The following ABCB4 variants were observed in gnomAD, a reference collection of about 807,000 sequenced individuals.
ABCB4 encodes phosphatidylcholine translocator ABCB4.
A neutral mutation model predicts 145.7 loss-of-function variants in ABCB4; 76 were observed. The observed-to-expected ratio is 0.52, with a 90% CI of 0.43 to 0.63. ABCB4 has a LOEUF of 0.63. Ranked by LOEUF, ABCB4 falls within the 30% of genes least tolerant of loss-of-function variation. ABCB4 has a pLI of 0.00. For missense variants in ABCB4, 1,234 were observed against 1,553.1 expected (o/e 0.79, Z 3.45); for synonymous variants, 517 against 566.8 (o/e 0.91, Z 1.25).
chr7:87,443,731 C>G lies in ABCB4; in HGVS notation c.1162G>C (p.Asp388His). 6.2e-7 allele frequency: 1 copy of G among 1,613,952 alleles called. No homozygotes were observed. The highest frequency in any genetic ancestry group is 8.5e-7 in the Non-Finnish European group (1 of 1,179,910). ...AACTCCAAATTCCCTTTGATGCTGT[C>G]TGGTTTGTGTCCTCTCTCTGAAAAA... ...DSFSERGHKP[D>H]SIKGNLEFND... is the part of the protein sequence containing the mutation. Residue 388 changes from aspartate (D) to histidine (H), a missense_variant, in exon 11 of 28, where the codon GAC (aspartate) becomes CAC (histidine). Transcript: ENST00000649586.
the ABCB4 span, among the ~76,000 whole-genome samples, chr7:87,388,867 A>G: frequency 2.0e-5 from 3 of 152,316 alleles, no homozygotes; most frequent in South Asian, 6.2e-4. Context: ...AAATTTTTGC[A>G]ATCTAACCAC....
intron 8 of ABCB4, among the ~76,000 whole-genome samples, chr7:87,447,915 T>C (rs1811454181): frequency 6.6e-6 from 1 of 152,210 alleles, no homozygotes; most frequent in African/African-American, 2.4e-5. Flanking sequence ...TAGAAAGTAG[T>C]ACAGTAGCTG....
At chr7:87,450,669 A>G (rs1811658945) in intron 7 of ABCB4, among the ~76,000 whole-genome samples, 1 of 151,972 alleles carries the variant, frequency 6.6e-6, no homozygotes, top group Non-Finnish European at 1.5e-5. Context: ...ACAGGGTTTC[A>G]CTGTGTTAGC....
the ABCB4 span, among the ~76,000 whole-genome samples, chr7:87,384,181 G>A: frequency 6.6e-6 from 1 of 152,092 alleles, no homozygotes; most frequent in Non-Finnish European, 1.5e-5. Flanking sequence ...TAGTGATGTT[G>A]AGCATTTTTC....
At chr7:87,407,458 G>A (rs1808281072) in intron 25 of ABCB4, among the ~76,000 whole-genome samples, 1 of 152,190 alleles carries the variant, frequency 6.6e-6, no homozygotes, top group African/African-American at 2.4e-5. Flanking sequence ...GGCTCCCAGG[G>A]CTCTGTCATG....
chr7:87,446,248 T>C (rs2116742815), intron 9 of ABCB4, among the ~76,000 whole-genome samples: 1 of 152,316 alleles, frequency 6.6e-6, no homozygotes, highest in Non-Finnish European at 1.5e-5. Flanking sequence ...AGTATCCTCA[T>C]TTTAGCAAGA....
chr7:87,389,194 C>A, the ABCB4 span, among the ~76,000 whole-genome samples: 1 of 152,154 alleles, frequency 6.6e-6, no homozygotes, highest in Non-Finnish European at 1.5e-5. Context: ...ATTAGTTCAA[C>A]CATTGCAGAA....
chr7:87,466,831 T>C (rs1013709716), intron 3 of ABCB4, among the ~76,000 whole-genome samples: 2 of 151,604 alleles, frequency 1.3e-5, no homozygotes, highest in African/African-American at 2.4e-5. Flanking sequence ...ATAAAATACT[T>C]TACAGACAAG....
At chr7:87,450,861 G>A (rs1378577506) in intron 7 of ABCB4, among the ~76,000 whole-genome samples, 1 of 152,142 alleles carries the variant, frequency 6.6e-6, no homozygotes, top group East Asian at 1.9e-4. Flanking sequence ...AGAGATACAG[G>A]TAGTTCACTG....
chr7:87,471,074 T>C (rs1162020242), intron 3 of ABCB4, among the ~76,000 whole-genome samples: 1 of 152,118 alleles, frequency 6.6e-6, no homozygotes, highest in African/African-American at 2.4e-5. Flanking sequence ...TGTAGGGACA[T>C]GGATGAAGCT....
intron 4 of ABCB4, among the ~76,000 whole-genome samples, chr7:87,462,176 C>T (rs1812501964): frequency 6.6e-6 from 1 of 152,180 alleles, no homozygotes; most frequent in Admixed American, 6.5e-5. Flanking sequence ...ACTTATGGGA[C>T]ACTTGGCTCT....
chr7:87,455,959 C>A (rs563426171), intron 4 of ABCB4, among the ~76,000 whole-genome samples: 22 of 152,334 alleles, frequency 1.4e-4, no homozygotes, highest in African/African-American at 5.3e-4. Flanking sequence ...ATTATAATTT[C>A]TACTGATGTT....
At chr7:87,467,188 GA>G (rs951137646) in intron 3 of ABCB4, among the ~76,000 whole-genome samples, 1 of 152,102 alleles carries the variant, frequency 6.6e-6, no homozygotes, top group Non-Finnish European at 1.5e-5. Flanking sequence ...AGGCTCAAAA[GA>G]AAGGGATGGA....
chr7:87,463,849 C>G (rs981593971), intron 3 of ABCB4, among the ~76,000 whole-genome samples: 1 of 152,180 alleles, frequency 6.6e-6, no homozygotes, highest in Non-Finnish European at 1.5e-5. Context: ...TCTAACACTT[C>G]AAAGGACTTT....
chr7:87,405,569 G>A (rs1445690597), intron 26 of ABCB4, among the ~76,000 whole-genome samples: 1 of 151,938 alleles, frequency 6.6e-6, no homozygotes, highest in Non-Finnish European at 1.5e-5. Flanking sequence ...TGCAACTACA[G>A]GTGCCCACCA....
At chr7:87,445,086 C>T (rs1052658004) in intron 9 of ABCB4, 111 bp from the exon 10 acceptor site, 10 of 778,468 alleles carry the variant, frequency 1.3e-5, no homozygotes, top group Non-Finnish European at 1.9e-5. Flanking sequence ...TAGGTTTATC[C>T]TTTCCTTTTT....
chr7:87,445,281 C>T (rs1275460303), intron 9 of ABCB4, among the ~76,000 whole-genome samples: 1 of 152,108 alleles, frequency 6.6e-6, no homozygotes, highest in Non-Finnish European at 1.5e-5. Flanking sequence ...TATTATTATT[C>T]CATCCTATAT....
chr7:87,432,108 A>G (rs776558622), intron 14 of ABCB4, among the ~76,000 whole-genome samples: 11 of 152,220 alleles, frequency 7.2e-5, no homozygotes, highest in Non-Finnish European at 1.2e-4. Flanking sequence ...CATAATCTCT[A>G]GAGTAAGGCA....
chr7:87,474,440 T>G (rs1813646508), intron 2 of ABCB4, among the ~76,000 whole-genome samples: 2 of 152,154 alleles, frequency 1.3e-5, no homozygotes, highest in Admixed American at 1.3e-4. Flanking sequence ...ACAACCACAT[T>G]AACAGGCTAA....
Sources: gnomAD v4.1 joint callset for allele counts (sites outside exome capture counted in the v4.1 genomes callset) on GRCh38, gnomAD v4.1.1 for gene constraint, MANE v1.5 for transcripts, NCBI Gene and HGNC (gene_info 2026-07-23, HGNC 2026-07-21) for gene names.